Variants in MYH15 observed in about 807,000 individuals in gnomAD.
MYH15 encodes the protein myosin-15.
In MYH15, 227 loss-of-function variants were observed where a neutral mutation model predicts 240.5. The ratio of observed to expected loss-of-function variants is 0.94; its 90% confidence interval spans 0.85 to 1.05. The LOEUF (loss-of-function observed/expected upper bound fraction) is 1.05, where lower values mean the gene tolerates loss of function less well. Ranked by LOEUF, MYH15 falls within the 50% of genes least tolerant of loss-of-function variation. MYH15 has a pLI of 0.00. For missense variants in MYH15, 2,217 were observed against 2,247.5 expected (o/e 0.99, Z 0.27); for synonymous variants, 785 against 796.7 (o/e 0.99, Z 0.25).
chr3:108,448,109 GA>G (rs1388773642), intron 21 of MYH15, among the ~76,000 whole-genome samples: 1 of 151,748 alleles, frequency 6.6e-6, no homozygotes, highest in African/African-American at 2.4e-5. Flanking sequence ...TAACCACAAA[GA>G]AAAAACTTCT....
At chr3:108,542,848 A>G in the MYH15 span, among the ~76,000 whole-genome samples, 1 of 147,124 alleles carries the variant, frequency 6.8e-6, no homozygotes, top group Non-Finnish European at 1.5e-5. Flanking sequence ...TTCCAACTCT[A>G]TCCATGTCCC....
upstream of MYH15, among the ~76,000 whole-genome samples, chr3:108,513,054 A>G (rs1016716725): frequency 2.6e-5 from 4 of 152,122 alleles, no homozygotes; most frequent in Non-Finnish European, 5.9e-5. Flanking sequence ...TGGCTTTACA[A>G]TTTTATAGAA....
At chr3:108,540,687 A>C in the MYH15 span, among the ~76,000 whole-genome samples, 1 of 152,210 alleles carries the variant, frequency 6.6e-6, no homozygotes, top group African/African-American at 2.4e-5. Flanking sequence ...ATCTTAATCC[A>C]AAAGTGAGCA....
In MYH15 at chr3:108,495,849, C is replaced by T; in HGVS notation, c.642G>A (p.Met214Ile). The stretch of plus-strand genomic sequence containing the variant: ...ATGCTTCCAAGATAGTATTCGCTTG[C>T]ATGATTTGATCTTCTAACGCCCCCT... ...KKQGALEDQI[M>I]QANTILEAFG... Residue 214 changes from methionine to isoleucine, a missense_variant, in exon 7 of 41, where the codon ATG (methionine) becomes ATA (isoleucine). Met to Ile is a conservative substitution (Grantham distance 10). Transcript: ENST00000693548. 6.2e-7 allele frequency: 1 copy of T among 1,611,294 alleles called. No homozygotes were observed. The highest frequency in any genetic ancestry group is 8.5e-7 in the Non-Finnish European group (1 of 1,178,846).
intron 16 of MYH15, among the ~76,000 whole-genome samples, chr3:108,462,834 A>G (rs1195474231): frequency 2.0e-5 from 3 of 152,110 alleles, no homozygotes; most frequent in East Asian, 3.8e-4. Flanking sequence ...CCCCAAAATC[A>G]TTCATCAAAA....
intron 11 of MYH15, among the ~76,000 whole-genome samples, chr3:108,480,877 G>T (rs770375702): frequency 5.3e-5 from 8 of 152,096 alleles, no homozygotes; most frequent in Non-Finnish European, 1.2e-4. Context: ...TTTGGGTTTG[G>T]GTGCCCTTCC....
chr3:108,489,879 T>C (rs1055150880), intron 9 of MYH15, among the ~76,000 whole-genome samples: 10 of 152,156 alleles, frequency 6.6e-5, no homozygotes, highest in African/African-American at 4.8e-5. Flanking sequence ...AATACCCAAT[T>C]TGGACCACCA....
the MYH15 span, among the ~76,000 whole-genome samples, chr3:108,547,983 T>C: frequency 2.3e-4 from 35 of 152,296 alleles, 2 homozygotes; most frequent in East Asian, 6.2e-3. Flanking sequence ...CATACTGATG[T>C]TGACAGCCAG....
chr3:108,529,798 C>G (rs972185033), upstream of MYH15, among the ~76,000 whole-genome samples: 3 of 152,172 alleles, frequency 2.0e-5, no homozygotes, highest in African/African-American at 7.2e-5. Flanking sequence ...GTTTCCAAGA[C>G]ATAACACAGG....
intron 9 of MYH15, among the ~76,000 whole-genome samples, chr3:108,487,315 C>T (rs1353110636): frequency 1.3e-5 from 2 of 152,130 alleles, no homozygotes; most frequent in Non-Finnish European, 2.9e-5. Context: ...CTCCAAATCT[C>T]AGAAACAAAG....
At chr3:108,504,549 A>T (rs185123274) in intron 2 of MYH15, among the ~76,000 whole-genome samples, 7 of 152,334 alleles carry the variant, frequency 4.6e-5, no homozygotes, top group Non-Finnish European at 8.8e-5. Flanking sequence ...AACTTTCTCG[A>T]TATCAATAAT....
At chr3:108,401,738 T>C (rs575986866) in intron 33 of MYH15, among the ~76,000 whole-genome samples, 3 of 152,236 alleles carry the variant, frequency 2.0e-5, no homozygotes, top group East Asian at 1.9e-4. Flanking sequence ...CAGTTGTTTA[T>C]GAAACTTCAT....
intron 1 of MYH15, among the ~76,000 whole-genome samples, chr3:108,520,019 CAATTA>C (rs1331488654): frequency 6.6e-6 from 1 of 152,060 alleles, no homozygotes; most frequent in African/African-American, 2.4e-5. Context: ...TATTCCAGTT[CAATTA>C]AATATAACAA....
At chr3:108,454,272 T>A in intron 20 of MYH15, 130 bp from the exon 21 acceptor site, 1 of 806,660 alleles carries the variant, frequency 1.2e-6, no homozygotes, top group Non-Finnish European at 1.8e-6. Flanking sequence ...AAGTTTTATT[T>A]AATGTGTAAA....
the MYH15 span, among the ~76,000 whole-genome samples, chr3:108,548,740 T>A: frequency 6.6e-6 from 1 of 152,156 alleles, no homozygotes; most frequent in African/African-American, 2.4e-5. Context: ...CTTTGAGTTT[T>A]AGGAAATATA....
chr3:108,502,885 C>A (rs1200167089), intron 2 of MYH15, among the ~76,000 whole-genome samples: 1 of 152,162 alleles, frequency 6.6e-6, no homozygotes, highest in Non-Finnish European at 1.5e-5. Context: ...CTCATCTCCC[C>A]TCAAACCCAT....
At chr3:108,420,329 G>A (rs1039531911) in intron 28 of MYH15, among the ~76,000 whole-genome samples, 1 of 152,178 alleles carries the variant, frequency 6.6e-6, no homozygotes, top group African/African-American at 2.4e-5. Flanking sequence ...TATTTATTGT[G>A]TCAAATATGT....
chr3:108,396,428 C>T (rs1342612938), intron 35 of MYH15, among the ~76,000 whole-genome samples: 4 of 152,202 alleles, frequency 2.6e-5, no homozygotes, highest in Admixed American at 2.6e-4. Flanking sequence ...CAACCTACAT[C>T]TCTCACATGA....
At position 108,521,441 on chromosome 3, in the gene MYH15, T is replaced by C. The variant is rs183975362; in HGVS notation, c.-58+7822A>G. Reference sequence around the variant, plus strand: ...TCTTTGAGTTATAGGAAATAGTTCATGCGATCAGTTCTCACTACTCATGGG... The same window carrying C: ...TCTTTGAGTTATAGGAAATAGTTCACGCGATCAGTTCTCACTACTCATGGG... On this transcript the variant is annotated intron_variant, in intron 1 of 41. Transcript: ENST00000273353. Among the ~76,000 whole-genome samples, 101 of 151,980 alleles carry C rather than the reference T, an allele frequency of 6.6e-4. 1 individual carries two copies. Among genetic ancestry groups the C allele is most frequent in the Non-Finnish European group, 3.4e-4 (23 of 67,968 alleles).
Sources: allele counts gnomAD v4.1 joint callset (sites outside exome capture counted in the v4.1 genomes callset), GRCh38; gene constraint gnomAD v4.1.1; transcripts MANE v1.5; gene names NCBI Gene and HGNC (gene_info 2026-07-23, HGNC 2026-07-21).